The following ZNRF3 variants were observed in gnomAD, a reference collection of about 807,000 sequenced individuals.
The protein encoded by ZNRF3 is E3 ubiquitin-protein ligase ZNRF3.
In ZNRF3, 23 loss-of-function variants were observed where a neutral mutation model predicts 72.5. The ratio of observed to expected loss-of-function variants is 0.32; its 90% CI spans 0.23 to 0.45. The LOEUF is 0.45. ZNRF3 is among the 20% of genes least tolerant of loss of function. ZNRF3 has a pLI of 1.00. For missense variants in ZNRF3, 1,169 were observed against 1,272.1 expected, an observed-to-expected ratio of 0.92 and a Z score of 1.23; for synonymous variants, 610 against 545.3, an observed-to-expected ratio of 1.12 and a Z score of -1.65.
chr22:29,001,596 C>T (rs1330792638), intron 2 of ZNRF3, among the ~76,000 whole-genome samples: 3 of 151,896 alleles, frequency 2.0e-5, no homozygotes, highest in Non-Finnish European at 2.9e-5. Flanking sequence ...CTCAGCCTTC[C>T]GAGTAGCTGG....
At chr22:29,034,723 T>A (rs1260175240) in intron 2 of ZNRF3, among the ~76,000 whole-genome samples, 1 of 152,222 alleles carries the variant, frequency 6.6e-6, no homozygotes. Context: ...TCTTAATTTC[T>A]TACCCATTTG....
chr22:29,052,647 C>G (rs987404004), intron 8 of ZNRF3, among the ~76,000 whole-genome samples: 1 of 150,128 alleles, frequency 6.7e-6, no homozygotes, highest in South Asian at 2.1e-4. Flanking sequence ...GAGCTGAGAT[C>G]GCCCCATCGT....
chr22:29,022,765 A>G (rs1359526505), intron 2 of ZNRF3, among the ~76,000 whole-genome samples: 1 of 152,222 alleles, frequency 6.6e-6, no homozygotes. Context: ...ATTTGAAAAT[A>G]CTTTAATTTA....
intron 2 of ZNRF3, among the ~76,000 whole-genome samples, chr22:29,002,286 T>G (rs986588420): frequency 6.6e-6 from 1 of 152,188 alleles, no homozygotes; most frequent in Non-Finnish European, 1.5e-5. Context: ...TTCTTACAAT[T>G]CCAGAAAGTA....
intron 2 of ZNRF3, among the ~76,000 whole-genome samples, chr22:29,038,422 A>C (rs1258747364): frequency 1.3e-5 from 2 of 151,306 alleles, no homozygotes; most frequent in African/African-American, 4.9e-5. Context: ...CTACAGCTTC[A>C]ACCTCCTGGG....
chr22:28,900,806 C>G (rs778304197), intron 1 of ZNRF3, among the ~76,000 whole-genome samples: 3 of 152,158 alleles, frequency 2.0e-5, no homozygotes, highest in Non-Finnish European at 4.4e-5. Flanking sequence ...GTTGGTGTTT[C>G]AATCTATTTA....
intron 1 of ZNRF3, among the ~76,000 whole-genome samples, chr22:28,890,495 G>A (rs1464462861): frequency 2.6e-5 from 4 of 152,188 alleles, no homozygotes; most frequent in East Asian, 3.9e-4. Context: ...GCAAGACTCC[G>A]TCTCAAAATA....
At chr22:28,912,174 GTAGAAA>G (rs1341386463) in intron 1 of ZNRF3, among the ~76,000 whole-genome samples, 1 of 152,192 alleles carries the variant, frequency 6.6e-6, no homozygotes, top group Non-Finnish European at 1.5e-5. Context: ...AATGTTTAAA[GTAGAAA>G]TATGTAACCA....
intron 2 of ZNRF3, among the ~76,000 whole-genome samples, chr22:28,997,573 T>G (rs180900056): frequency 1.2e-3 from 180 of 151,856 alleles, no homozygotes; most frequent in South Asian, 6.3e-3. Context: ...ATCTGAGGAG[T>G]GTGAAGAGCC....
chr22:28,975,299 C>T lies in ZNRF3; in HGVS notation c.301-11777C>T, dbSNP rs902406409. ...TGGGCGGATCACAAGGTCAGGAGTT[C>T]GAGACCAGCCTGGCCAATATGGTGA... On this transcript the variant is annotated intron_variant, in intron 1 of 8. Transcript: ENST00000544604. Among the ~76,000 whole-genome samples the T allele has an allele frequency of 7.9e-5, 12 of 152,032 alleles. No homozygotes were observed. In the East Asian group the frequency reaches 2.1e-3, roughly 27 times the overall value.
intron 1 of ZNRF3, chr22:28,917,629 G>C (rs1431143294): frequency 1.1e-5 from 2 of 178,056 alleles, no homozygotes; most frequent in Non-Finnish European, 2.2e-5. Context: ...TTGAGCCCAG[G>C]AGTTTGAATC....
chr22:29,011,843 GT>G (rs1042188745), intron 2 of ZNRF3, among the ~76,000 whole-genome samples: 1 of 152,230 alleles, frequency 6.6e-6, no homozygotes, highest in Admixed American at 6.5e-5. Context: ...TTTCTATTTT[GT>G]TTTTCTTTAA....
intron 2 of ZNRF3, among the ~76,000 whole-genome samples, chr22:29,015,753 TAA>T (rs2036419608): frequency 6.6e-6 from 1 of 151,186 alleles, no homozygotes; most frequent in South Asian, 2.1e-4. Flanking sequence ...CATGATGGCT[TAA>T]CCCTGTAATC....
intron 8 of ZNRF3, 112 bp downstream of exon 8, chr22:29,051,060 C>T: frequency 8.1e-7 from 1 of 1,229,562 alleles, no homozygotes; most frequent in African/African-American, 1.5e-5. Flanking sequence ...GTTTTAAACA[C>T]CATCTGAGGC....
chr22:28,953,671 A>T (rs185686862), intron 1 of ZNRF3, among the ~76,000 whole-genome samples: 1 of 152,362 alleles, frequency 6.6e-6, no homozygotes, highest in Admixed American at 6.5e-5. Flanking sequence ...TCCTGAAAGG[A>T]TATTTCTCTA....
At chr22:29,006,866 G>A (rs1302137216) in intron 2 of ZNRF3, among the ~76,000 whole-genome samples, 1 of 152,172 alleles carries the variant, frequency 6.6e-6, no homozygotes, top group Non-Finnish European at 1.5e-5. Flanking sequence ...TAAAGTCTTA[G>A]CCCAGGAGCC....
At chr22:29,026,855 G>C (rs935277348) in intron 2 of ZNRF3, 2 of 152,156 alleles carry the variant, frequency 1.3e-5, no homozygotes, top group African/African-American at 2.4e-5. Context: ...CTGCTTTGGG[G>C]GTATCTTTCC....
At chr22:29,019,165 A>G (rs897322361) in intron 2 of ZNRF3, among the ~76,000 whole-genome samples, 3 of 151,764 alleles carry the variant, frequency 2.0e-5, no homozygotes, top group African/African-American at 4.8e-5. Flanking sequence ...CCCCTCAAGC[A>G]TTTTCCAAGC....
intron 1 of ZNRF3, among the ~76,000 whole-genome samples, chr22:28,895,537 G>A (rs2033975736): frequency 6.6e-6 from 1 of 152,100 alleles, no homozygotes; most frequent in Admixed American, 6.5e-5. Context: ...CGCAGTGGCG[G>A]GTGCCTGTAG....
Sources: allele counts gnomAD v4.1 joint callset (sites outside exome capture counted in the v4.1 genomes callset), GRCh38; gene constraint gnomAD v4.1.1; transcripts MANE v1.5; gene names NCBI Gene and HGNC (gene_info 2026-07-23, HGNC 2026-07-21).